PTPRD: variants seen among roughly 807,000 people sequenced by gnomAD.
The protein encoded by PTPRD is protein tyrosine phosphatase receptor type D, also known as receptor-type tyrosine-protein phosphatase delta.
A neutral mutation model predicts 214.5 loss-of-function variants in PTPRD; 34 were observed. That is an observed-to-expected ratio of 0.16 (90% CI 0.12 to 0.21). The LOEUF (loss-of-function observed/expected upper bound fraction) is 0.21. Among genes scored for constraint, PTPRD ranks in the 10% least tolerant of loss-of-function variants. The probability of loss-of-function intolerance (pLI) is 1.00; values close to 1 mark genes in which losing one functional copy is unlikely to be tolerated. For synonymous variants in PTPRD, 1,128 were observed against 845.7 expected (o/e 1.33, Z -5.79); for missense variants, 2,545 against 2,398.7 (o/e 1.06, Z -1.27).
chr9:9,943,981 C>G (rs1308610549), intron 4 of PTPRD, among the ~76,000 whole-genome samples: 3 of 152,096 alleles, frequency 2.0e-5, no homozygotes, highest in Admixed American at 6.6e-5. Flanking sequence ...TTTACTTTTT[C>G]TTGATTTTTA....
At chr9:8,951,758 C>A in intron 11 of PTPRD, among the ~76,000 whole-genome samples, 1 of 151,970 alleles carries the variant, frequency 6.6e-6, no homozygotes, top group East Asian at 1.9e-4. Flanking sequence ...ACCACAGCAC[C>A]CAAGTTCACC....
intron 9 of PTPRD, among the ~76,000 whole-genome samples, chr9:9,252,865 A>G (rs6477382): frequency 0.41 from 62,706 of 151,880 alleles, 13,696 homozygotes; most frequent in African/African-American, 0.56. Context: ...AGCCAATCAC[A>G]CGCAAGAGTA....
intron 30 of PTPRD, among the ~76,000 whole-genome samples, chr9:8,482,792 G>A (rs1268604080): frequency 6.6e-6 from 1 of 152,122 alleles, no homozygotes; most frequent in Non-Finnish European, 1.5e-5. Context: ...CTGGGATCCA[G>A]CCGTATGGCA....
intron 2 of PTPRD, among the ~76,000 whole-genome samples, chr9:10,430,328 T>A (rs778093326): frequency 1.3e-5 from 2 of 151,968 alleles, no homozygotes; most frequent in Non-Finnish European, 2.9e-5. Context: ...TAAAACTAAT[T>A]AATGTAAATC....
At chr9:9,186,434 A>G (rs1298190197) in intron 9 of PTPRD, among the ~76,000 whole-genome samples, 1 of 152,084 alleles carries the variant, frequency 6.6e-6, no homozygotes, top group Non-Finnish European at 1.5e-5. Flanking sequence ...ACATCATAAG[A>G]TCCCATTTCT....
intron 14 of PTPRD, among the ~76,000 whole-genome samples, chr9:8,617,796 A>T (rs368619674): frequency 3.9e-5 from 6 of 152,212 alleles, no homozygotes; most frequent in African/African-American, 1.2e-4. Context: ...GGTGAATTCA[A>T]CTTCTCTTTA....
chr9:10,107,545 C>G (rs938709374), intron 3 of PTPRD, among the ~76,000 whole-genome samples: 2 of 152,076 alleles, frequency 1.3e-5, no homozygotes, highest in African/African-American at 4.8e-5. Flanking sequence ...GCAATCTCAT[C>G]TGTCCAGCAT....
chr9:9,363,491 G>T (rs538549494), intron 9 of PTPRD, among the ~76,000 whole-genome samples: 2 of 151,312 alleles, frequency 1.3e-5, no homozygotes, highest in Non-Finnish European at 3.0e-5. Context: ...TAAAGGTTAG[G>T]AAAAACCATT....
At chr9:8,983,846 A>T (rs939525524) in intron 11 of PTPRD, among the ~76,000 whole-genome samples, 2 of 151,936 alleles carry the variant, frequency 1.3e-5, no homozygotes, top group Non-Finnish European at 2.9e-5. Context: ...TCTTTACTAT[A>T]ACTATCTAAT....
intron 14 of PTPRD, among the ~76,000 whole-genome samples, chr9:8,600,130 C>G (rs2154275957): frequency 6.6e-6 from 1 of 152,262 alleles, no homozygotes; most frequent in Non-Finnish European, 1.5e-5. Flanking sequence ...AGGCTTTCAT[C>G]CAACTCAGTG....
intron 2 of PTPRD, among the ~76,000 whole-genome samples, chr9:10,589,451 G>C (rs1398505527): frequency 3.3e-5 from 5 of 152,020 alleles, no homozygotes; most frequent in African/African-American, 1.2e-4. Flanking sequence ...AGTTGAAAAG[G>C]AGCTTATAAG....
At chr9:10,017,658 C>T (rs2096749731) in intron 4 of PTPRD, among the ~76,000 whole-genome samples, 1 of 152,118 alleles carries the variant, frequency 6.6e-6, no homozygotes, top group South Asian at 2.1e-4. Flanking sequence ...TATCTTAGTA[C>T]ATATATTAAA....
chr9:10,342,841 A>C (rs12552756), intron 2 of PTPRD, among the ~76,000 whole-genome samples: 20,529 of 152,160 alleles, frequency 0.13, 1,572 homozygotes, highest in Admixed American at 0.24. Context: ...TCTACTTACC[A>C]GCATATGTCC....
intron 6 of PTPRD, among the ~76,000 whole-genome samples, chr9:9,747,045 A>G (rs1314432052): frequency 6.6e-6 from 1 of 152,194 alleles, no homozygotes; most frequent in Non-Finnish European, 1.5e-5. Context: ...GAAGGAAACA[A>G]TAGCAGGAAA....
intron 9 of PTPRD, among the ~76,000 whole-genome samples, chr9:9,185,679 T>C (rs539273176): frequency 6.6e-6 from 1 of 152,168 alleles, no homozygotes; most frequent in South Asian, 2.1e-4. Context: ...CTCTATTCCA[T>C]TACTCATTTA....
chr9:8,928,805 G>T (rs1462136815), intron 11 of PTPRD, among the ~76,000 whole-genome samples: 1 of 152,048 alleles, frequency 6.6e-6, no homozygotes, highest in Non-Finnish European at 1.5e-5. Context: ...TCATGATATT[G>T]ATTCTTCCTA....
At position 9,271,298 on chromosome 9, in the gene PTPRD, AC is replaced by A. The variant is rs201005823; in HGVS notation, c.-202-87936del. Among the ~76,000 whole-genome samples the A allele has an allele frequency of 2.3e-3, 352 of 151,206 alleles. 2 individuals carry two copies. The highest frequency in any genetic ancestry group is 6.5e-3 in the African/African-American group (271 of 41,414). ...ATTTTTCTCATCTTAAAAAAAAAAA[AC>A]ATCTGTGAACTTTCTCATCTTTCTG... On this transcript the variant is annotated intron_variant, in intron 9 of 45. Transcript: ENST00000381196.
intron 7 of PTPRD, among the ~76,000 whole-genome samples, chr9:9,722,233 G>C (rs2097964392): frequency 6.6e-6 from 1 of 151,918 alleles, no homozygotes; most frequent in Admixed American, 6.6e-5. Flanking sequence ...CTTATCAGCA[G>C]ACAGCCTCTT....
At chr9:8,803,135 G>A (rs368868538) in intron 11 of PTPRD, among the ~76,000 whole-genome samples, 1 of 152,032 alleles carries the variant, frequency 6.6e-6, no homozygotes, top group Non-Finnish European at 1.5e-5. Flanking sequence ...AACTACACAA[G>A]ATAACGCATG....
Sources: allele counts gnomAD v4.1 joint callset (sites outside exome capture counted in the v4.1 genomes callset), GRCh38; gene constraint gnomAD v4.1.1; transcripts MANE v1.5; gene names NCBI Gene and HGNC (gene_info 2026-07-23, HGNC 2026-07-21).